Variants in B4GALT1 observed in about 807,000 individuals in gnomAD.
B4GALT1 encodes beta-1,4-galactosyltransferase 1.
B4GALT1 carries 16 observed loss-of-function variants against 34.9 expected under a neutral mutation model. That is an observed-to-expected ratio of 0.46 (90% CI 0.31 to 0.70). The LOEUF (loss-of-function observed/expected upper bound fraction) is 0.70, where lower values mean the gene tolerates loss of function less well. Ranked by LOEUF, B4GALT1 falls within the 30% of genes least tolerant of loss-of-function variation. The pLI is 0.05. For missense variants in B4GALT1, 445 were observed against 530.5 expected (o/e 0.84, Z 1.58); for synonymous variants, 221 against 218.1 (o/e 1.01, Z -0.12).
intron 2 of B4GALT1, among the ~76,000 whole-genome samples, chr9:33,122,190 A>G (rs1206178185): frequency 2.6e-5 from 4 of 152,120 alleles, no homozygotes; most frequent in Admixed American, 6.5e-5. Context: ...CAATCTCAAA[A>G]GTGGGATGCT....
Position 33,111,250 on chromosome 9 carries a change from C to CAAA in B4GALT1, c.*2201_*2203dup, listed in dbSNP as rs751351046. ...TACTTGACATGAATGAGAAGGTAAC[C>CAAA]AAAAAAAAAAAAAAAAAAAAAAAAA... is the stretch of plus-strand genomic sequence containing the variant. On this transcript the variant is annotated 3_prime_UTR_variant, in exon 6 of 6. Transcript: ENST00000379731. The CAAA allele has an allele frequency of 5.1e-4, 25 of 48,860 alleles. 1 individual carries two copies. Among genetic ancestry groups the CAAA allele is most frequent in the African/African-American group, 2.0e-3 (17 of 8,416 alleles). 3.0% of individuals were successfully genotyped at this position (48,860 alleles called of 1,614,324 possible).
chr9:33,181,606 G>A, the B4GALT1 span, among the ~76,000 whole-genome samples: 4 of 152,198 alleles, frequency 2.6e-5, no homozygotes, highest in South Asian at 2.1e-4. Flanking sequence ...GGCTAACTAC[G>A]GGGTCGCTAT....
chr9:33,129,177 C>T (rs1027465064), intron 2 of B4GALT1, among the ~76,000 whole-genome samples: 6 of 151,930 alleles, frequency 3.9e-5, no homozygotes, highest in Non-Finnish European at 7.4e-5. Context: ...TTGCCTTACT[C>T]TGGGGGATGG....
In B4GALT1 at chr9:33,113,400, C is replaced by A; in HGVS notation, c.*54G>T. The A allele has an allele frequency of 6.2e-7, 1 of 1,612,978 alleles. No individual in the cohort carries two copies. Among genetic ancestry groups the A allele is most frequent in the Non-Finnish European group, 8.5e-7 (1 of 1,179,342 alleles). ...GACCAGCCCAGCAGATTGGCAGAGA[C>A]ACACAGCAGAGGTCCCTGGCTAATT... On this transcript the variant is annotated 3_prime_UTR_variant, in exon 6 of 6. Transcript: ENST00000379731.
At chr9:33,134,519 C>G (rs1840239044) in intron 2 of B4GALT1, among the ~76,000 whole-genome samples, 1 of 152,224 alleles carries the variant, frequency 6.6e-6, no homozygotes, top group African/African-American at 2.4e-5. Context: ...AAAGATGCCT[C>G]TTAGATCAAT....
At chr9:33,116,858 G>A (rs1483862193) in intron 3 of B4GALT1, among the ~76,000 whole-genome samples, 1 of 152,092 alleles carries the variant, frequency 6.6e-6, no homozygotes, top group African/African-American at 2.4e-5. Flanking sequence ...TGGGGTGGGA[G>A]GGAGCAGTTA....
At chr9:33,140,707 C>T (rs1840336360) in intron 1 of B4GALT1, among the ~76,000 whole-genome samples, 1 of 152,250 alleles carries the variant, frequency 6.6e-6, no homozygotes, top group Admixed American at 6.5e-5. Flanking sequence ...CTTCACAAAT[C>T]AGCTCCCCCA....
At chr9:33,117,485 G>A (rs1839957382) in intron 3 of B4GALT1, among the ~76,000 whole-genome samples, 1 of 152,150 alleles carries the variant, frequency 6.6e-6, no homozygotes, top group South Asian at 2.1e-4. Context: ...AAGCCTTCCT[G>A]TGGGTTCTCT....
intron 1 of B4GALT1, among the ~76,000 whole-genome samples, chr9:33,148,920 T>C (rs1282839948): frequency 5.3e-5 from 8 of 152,094 alleles, no homozygotes; most frequent in African/African-American, 1.9e-4. Context: ...TCTTATTGGC[T>C]AAATCTGGGA....
chr9:33,161,445 AAC>A (rs1840674293), intron 1 of B4GALT1, among the ~76,000 whole-genome samples: 1 of 150,916 alleles, frequency 6.6e-6, no homozygotes, highest in Admixed American at 6.6e-5. Flanking sequence ...GGCCCAGATC[AAC>A]ACAGAGGCCC....
Position 33,112,977 on chromosome 9 carries a change from G to GT in B4GALT1, c.*476dup, listed in dbSNP as rs750880059. Reference sequence around the variant, plus strand: ...TGAAAGAAGGGGGTGGGGGGAGGACGTAACATTAAGAATGGTTGAAATTTT... The same window carrying GT: ...TGAAAGAAGGGGGTGGGGGGAGGACGTTAACATTAAGAATGGTTGAAATTTT... On this transcript the variant is annotated 3_prime_UTR_variant, in exon 6 of 6. Transcript: ENST00000379731. 23 of 253,186 alleles carry GT rather than the reference G, an allele frequency of 9.1e-5. No individual in the cohort carries two copies. The highest frequency in any genetic ancestry group is 1.6e-4 in the Non-Finnish European group (20 of 127,268). 15.7% of individuals were successfully genotyped at this position (253,186 alleles called of 1,614,324 possible).
chr9:33,172,749 A>G, the B4GALT1 span, among the ~76,000 whole-genome samples: 2 of 152,186 alleles, frequency 1.3e-5, no homozygotes, highest in African/African-American at 4.8e-5. Context: ...AGCCTGGGTA[A>G]CATCTCTAAA....
intron 2 of B4GALT1, among the ~76,000 whole-genome samples, chr9:33,128,101 C>T (rs1840140068): frequency 6.6e-6 from 1 of 151,656 alleles, no homozygotes; most frequent in South Asian, 2.1e-4. Context: ...GCATTCCTCT[C>T]TCTCTCTCTC....
chr9:33,131,605 T>A (rs960587923), intron 2 of B4GALT1, among the ~76,000 whole-genome samples: 1 of 152,166 alleles, frequency 6.6e-6, no homozygotes, highest in Non-Finnish European at 1.5e-5. Context: ...TGTGTGCATG[T>A]GTATGTGTGT....
intron 3 of B4GALT1, among the ~76,000 whole-genome samples, chr9:33,117,028 T>C (rs544889164): frequency 5.3e-4 from 80 of 152,330 alleles, no homozygotes; most frequent in Non-Finnish European, 1.1e-3. Context: ...GGCCCAGTTC[T>C]TCCTGAGTGG....
chr9:33,181,150 T>C, the B4GALT1 span, among the ~76,000 whole-genome samples: 1 of 152,278 alleles, frequency 6.6e-6, no homozygotes, highest in East Asian at 1.9e-4. Context: ...CCAGGCACAA[T>C]GGCTCACGCC....
At chr9:33,156,014 G>A (rs1310154660) in intron 1 of B4GALT1, among the ~76,000 whole-genome samples, 4 of 152,114 alleles carry the variant, frequency 2.6e-5, no homozygotes, top group Non-Finnish European at 5.9e-5. Context: ...AGTCACAACT[G>A]ACTGCTGCAG....
intron 1 of B4GALT1, among the ~76,000 whole-genome samples, chr9:33,158,282 G>A (rs2567408): frequency 0.98 from 149,309 of 152,278 alleles, 73,237 homozygotes; most frequent in East Asian, 1. Context: ...TAAAGACCAG[G>A]GCTCGGAATC....
chr9:33,178,913 G>A, the B4GALT1 span: 2 of 152,220 alleles, frequency 1.3e-5, no homozygotes, highest in African/African-American at 2.4e-5. Flanking sequence ...TGGATTGGCG[G>A]GGACAGCTCT....
Sources: allele counts gnomAD v4.1 joint callset (sites outside exome capture counted in the v4.1 genomes callset), GRCh38; gene constraint gnomAD v4.1.1; transcripts MANE v1.5; gene names NCBI Gene and HGNC (gene_info 2026-07-23, HGNC 2026-07-21).